RBFOX1: variants seen among roughly 807,000 people sequenced by gnomAD.
RBFOX1 encodes RNA binding protein fox-1 homolog 1.
A neutral mutation model predicts 57.7 loss-of-function variants in RBFOX1; 8 were observed. The ratio of observed to expected loss-of-function variants is 0.14; its 90% CI spans 0.08 to 0.25. The LOEUF is 0.25. Among genes scored for constraint, RBFOX1 ranks in the 10% least tolerant of loss-of-function variants. RBFOX1 has a pLI of 1.00. For synonymous variants in RBFOX1, 326 were observed against 222.4 expected (o/e 1.47, Z -4.15); for missense variants, 611 against 548.5 (o/e 1.11, Z -1.14).
intron 1 of RBFOX1, among the ~76,000 whole-genome samples, chr16:6,139,615 C>G (rs933706509): frequency 6.6e-6 from 1 of 152,222 alleles, no homozygotes; most frequent in African/African-American, 2.4e-5. Context: ...CCCAAATTGT[C>G]AGCACCCATG....
chr16:5,455,023 C>CTTTCTTTCTT (rs1216518795), intron 1 of RBFOX1, among the ~76,000 whole-genome samples: 6 of 111,760 alleles, frequency 5.4e-5, no homozygotes, highest in African/African-American at 1.9e-4. Flanking sequence ...TTCTTTCTTT[C>CTTTCTTTCTT]TCTCTCTCTG....
intron 3 of RBFOX1, among the ~76,000 whole-genome samples, chr16:6,820,048 A>C (rs564218448): frequency 1.3e-5 from 2 of 152,108 alleles, no homozygotes; most frequent in Non-Finnish European, 2.9e-5. Context: ...ATAGGAAGTA[A>C]AATTGAATCG....
At chr16:6,760,802 G>T (rs1026183072) in intron 3 of RBFOX1, among the ~76,000 whole-genome samples, 2 of 152,190 alleles carry the variant, frequency 1.3e-5, no homozygotes, top group South Asian at 4.1e-4. Flanking sequence ...AGTAGGATCA[G>T]AGATTCCAAC....
chr16:5,997,467 T>G (rs1380007136), intron 4 of RBFOX1, among the ~76,000 whole-genome samples: 1 of 152,194 alleles, frequency 6.6e-6, no homozygotes, highest in Middle Eastern at 3.2e-3. Context: ...CTCTGTGATA[T>G]GAAGGTGGGG....
chr16:7,697,567 T>A (rs1329119638), intron 14 of RBFOX1, among the ~76,000 whole-genome samples: 1 of 152,172 alleles, frequency 6.6e-6, no homozygotes, highest in East Asian at 1.9e-4. Context: ...TATATATGCA[T>A]GTATATATGT....
chr16:6,243,137 CGTGTGTCT>C (rs987751716), intron 1 of RBFOX1, among the ~76,000 whole-genome samples: 1 of 150,326 alleles, frequency 6.7e-6, no homozygotes, highest in African/African-American at 2.5e-5. Context: ...GATATTTATA[CGTGTGTCT>C]GTGTGTGTGT....
intron 2 of RBFOX1, among the ~76,000 whole-genome samples, chr16:6,546,754 A>G (rs745334376): frequency 6.6e-5 from 10 of 152,200 alleles, no homozygotes; most frequent in African/African-American, 1.4e-4. Flanking sequence ...TTGAGGGGAC[A>G]TGATTTAACC....
intron 3 of RBFOX1, among the ~76,000 whole-genome samples, chr16:6,984,002 C>G (rs893309324): frequency 6.6e-6 from 1 of 152,184 alleles, no homozygotes; most frequent in East Asian, 1.9e-4. Context: ...AATTCCAGCA[C>G]TTTGGGAGGC....
intron 4 of RBFOX1, among the ~76,000 whole-genome samples, chr16:7,384,659 A>G (rs1233437467): frequency 6.6e-6 from 1 of 152,190 alleles, no homozygotes; most frequent in Admixed American, 6.5e-5. Context: ...TGGAGAGAAT[A>G]TAAGGTAAAT....
At chr16:7,014,699 G>A (rs1053670396) in intron 3 of RBFOX1, among the ~76,000 whole-genome samples, 1 of 151,906 alleles carries the variant, frequency 6.6e-6, no homozygotes, top group African/African-American at 2.4e-5. Flanking sequence ...GAGAGAGAGT[G>A]GATGATAAAC....
intron 7 of RBFOX1, among the ~76,000 whole-genome samples, chr16:7,589,432 G>T (rs1195518597): frequency 6.6e-6 from 1 of 152,050 alleles, no homozygotes. Context: ...GCCTGTCTCT[G>T]GGGGCTTCAG....
chr16:5,388,657 A>C (rs571850367), intron 1 of RBFOX1, among the ~76,000 whole-genome samples: 12 of 151,592 alleles, frequency 7.9e-5, no homozygotes, highest in African/African-American at 2.7e-4. Flanking sequence ...GCTCACTGCA[A>C]CCTCCACCTC....
chr16:6,983,019 G>T (rs890009466), intron 3 of RBFOX1, among the ~76,000 whole-genome samples: 4 of 110,692 alleles, frequency 3.6e-5, no homozygotes, highest in African/African-American at 1.2e-4. Context: ...AAAAAAAAAG[G>T]AAAGGTGTCG....
At chr16:7,502,552 G>A (rs1440564006) in intron 4 of RBFOX1, among the ~76,000 whole-genome samples, 1 of 152,132 alleles carries the variant, frequency 6.6e-6, no homozygotes, top group Non-Finnish European at 1.5e-5. Flanking sequence ...AAGATATGTT[G>A]ATTCATGGTA....
chr16:7,686,219 G>C (rs568394947), intron 14 of RBFOX1, among the ~76,000 whole-genome samples: 1 of 151,770 alleles, frequency 6.6e-6, no homozygotes, highest in South Asian at 2.1e-4. Context: ...CTGTGGAAAC[G>C]GGTTTTATGA....
At chr16:5,296,475 T>A (rs1440832334) in intron 1 of RBFOX1, among the ~76,000 whole-genome samples, 1 of 152,198 alleles carries the variant, frequency 6.6e-6, no homozygotes, top group Non-Finnish European at 1.5e-5. Context: ...GGCCAGATAC[T>A]GTGCTTTGTT....
intron 4 of RBFOX1, among the ~76,000 whole-genome samples, chr16:5,899,032 C>G (rs2058238979): frequency 6.6e-6 from 1 of 151,250 alleles, no homozygotes; most frequent in Non-Finnish European, 1.5e-5. Flanking sequence ...GTGAGCCTCA[C>G]TGCTTTTAGT....
intron 13 of RBFOX1, among the ~76,000 whole-genome samples, chr16:7,674,190 G>A (rs1024389241): frequency 6.6e-6 from 1 of 152,196 alleles, no homozygotes; most frequent in African/African-American, 2.4e-5. Flanking sequence ...AGACCATGCA[G>A]TAAAGATAGA....
chr16:6,887,081 G>T (rs971432027), intron 3 of RBFOX1, among the ~76,000 whole-genome samples: 4 of 152,078 alleles, frequency 2.6e-5, no homozygotes, highest in African/African-American at 9.7e-5. Flanking sequence ...GATTTTCCCT[G>T]CAGCTTCAAA....
Sources: gnomAD v4.1 joint callset for allele counts (sites outside exome capture counted in the v4.1 genomes callset) on GRCh38, gnomAD v4.1.1 for gene constraint, MANE v1.5 for transcripts, NCBI Gene and HGNC (gene_info 2026-07-23, HGNC 2026-07-21) for gene names.